The following DEPDC1B variants were observed in gnomAD, a reference collection of about 807,000 sequenced individuals.
DEPDC1B encodes DEP domain containing 1B, also known as DEP domain-containing protein 1B.
In DEPDC1B, 51 loss-of-function variants were observed where a neutral mutation model predicts 66.5. The observed-to-expected ratio is 0.77, with a 90% confidence interval of 0.61 to 0.97. The LOEUF (loss-of-function observed/expected upper bound fraction) is 0.97. Among genes scored for constraint, DEPDC1B ranks in the 50% least tolerant of loss-of-function variants. The pLI is 0.00. For synonymous variants in DEPDC1B, 226 were observed against 223.6 expected (o/e 1.01, Z -0.10); for missense variants, 552 against 637.1 (o/e 0.87, Z 1.44).
chr5:60,633,152 A>G (rs1383807046), intron 7 of DEPDC1B, among the ~76,000 whole-genome samples: 1 of 152,198 alleles, frequency 6.6e-6, no homozygotes, highest in East Asian at 1.9e-4. Context: ...ACTTGCCCAC[A>G]GTGAGTGCAG....
At chr5:60,620,850 T>C (rs555905290) in intron 7 of DEPDC1B, among the ~76,000 whole-genome samples, 143 of 152,356 alleles carry the variant, frequency 9.4e-4, no homozygotes, top group Middle Eastern at 6.8e-3. Context: ...CGTATGTTTA[T>C]TGAGGCACTA....
rs779367812 is a variant in DEPDC1B, at chr5:60,644,753, T to C, written c.701A>G (p.Asp234Gly). ...VSKQGVVILD[D>G]KSKELPHWVL... ...TATATTTATGCACTTACTTGACTTG[T>C]CATCAAGAATAACAACTCCCTGCTT... Residue 234 changes from aspartate to glycine, a missense_variant, in exon 5 of 11, where the codon GAC becomes GGC. Transcript: ENST00000265036. 1.4e-5 allele frequency: 22 copies of C among 1,590,836 alleles called. No individual in the cohort carries two copies. The African/African-American group carries it at 1.5e-4, about 11-fold the overall frequency.
At chr5:60,601,219 C>T (rs1214929842) in intron 9 of DEPDC1B, among the ~76,000 whole-genome samples, 1 of 152,188 alleles carries the variant, frequency 6.6e-6, no homozygotes, top group African/African-American at 2.4e-5. Context: ...TAATACACTG[C>T]TATAACATTT....
intron 2 of DEPDC1B, among the ~76,000 whole-genome samples, chr5:60,673,148 T>A (rs138293671): frequency 9.8e-5 from 15 of 152,304 alleles, no homozygotes; most frequent in Non-Finnish European, 1.8e-4. Flanking sequence ...CTTCCTTCCC[T>A]GACACACACC....
intron 2 of DEPDC1B, 31 bp downstream of exon 2, chr5:60,686,918 ATCTCCCCAATTCC>A: frequency 2.5e-6 from 4 of 1,604,092 alleles, no homozygotes; most frequent in Non-Finnish European, 3.4e-6. Context: ...AGATTCACTC[ATCTCCCCAATTCC>A]TCACCTTCCA....
intron 10 of DEPDC1B, among the ~76,000 whole-genome samples, chr5:60,598,439 T>G (rs144318985): frequency 4.1e-4 from 62 of 152,346 alleles, no homozygotes; most frequent in Non-Finnish European, 7.9e-4. Flanking sequence ...GCTCTGTGTG[T>G]AATCCCACAT....
chr5:60,624,861 A>G (rs896685311), intron 7 of DEPDC1B, among the ~76,000 whole-genome samples: 6 of 152,118 alleles, frequency 3.9e-5, no homozygotes, highest in African/African-American at 1.4e-4. Context: ...TGTCAACTAC[A>G]TTAGGTATTT....
chr5:60,614,803 C>T (rs1049626515), intron 7 of DEPDC1B, among the ~76,000 whole-genome samples: 4 of 152,060 alleles, frequency 2.6e-5, no homozygotes, highest in Non-Finnish European at 4.4e-5. Context: ...CCAGCCTGGC[C>T]AACATGGCAA....
rs192620449 is a variant in DEPDC1B, at chr5:60,615,515, G to A, written c.899-9659C>T. Among the ~76,000 whole-genome samples, 432 of 152,332 alleles carry A rather than the reference G, an allele frequency of 2.8e-3. 2 individuals carry two copies. Among genetic ancestry groups the A allele is most frequent in the Non-Finnish European group, 4.7e-3 (320 of 68,022 alleles). On this transcript the variant is annotated intron_variant, in intron 7 of 10. Coordinates refer to ENST00000265036, the MANE Select transcript of DEPDC1B (RefSeq NM_018369.3). Reference sequence around the variant, plus strand: ...GGAGATTATATCCCGTGCCTGGCTCGGAGGGTCCTACGCCCACGGAGCCTT... The same window carrying A: ...GGAGATTATATCCCGTGCCTGGCTCAGAGGGTCCTACGCCCACGGAGCCTT...
chr5:60,675,804 A>T (rs1324660253), intron 2 of DEPDC1B, among the ~76,000 whole-genome samples: 1 of 151,750 alleles, frequency 6.6e-6, no homozygotes, highest in African/African-American at 2.4e-5. Context: ...CTGCCTTACA[A>T]TCTATTCTGT....
At chr5:60,660,155 GAGAGAGAGAGAA>G (rs1269162995) in intron 2 of DEPDC1B, among the ~76,000 whole-genome samples, 1 of 151,714 alleles carries the variant, frequency 6.6e-6, no homozygotes, top group Non-Finnish European at 1.5e-5. Context: ...GAGAGGAGGA[GAGAGAGAGAGAA>G]AGAGAGAGAG....
intron 7 of DEPDC1B, among the ~76,000 whole-genome samples, chr5:60,631,314 C>T (rs576325765): frequency 6.6e-6 from 1 of 152,346 alleles, no homozygotes; most frequent in Non-Finnish European, 1.5e-5. Flanking sequence ...AGCCCCTGGA[C>T]ATCATCTATG....
At chr5:60,688,764 T>A (rs1179321795) in intron 1 of DEPDC1B, among the ~76,000 whole-genome samples, 1 of 152,030 alleles carries the variant, frequency 6.6e-6, no homozygotes, top group Non-Finnish European at 1.5e-5. Flanking sequence ...TAAATAAAAA[T>A]ATGGCCCTAG....
intron 9 of DEPDC1B, among the ~76,000 whole-genome samples, chr5:60,602,651 C>T (rs1752223552): frequency 6.6e-6 from 1 of 152,110 alleles, no homozygotes. Context: ...TATATAACCA[C>T]CATGACAACA....
intron 1 of DEPDC1B, among the ~76,000 whole-genome samples, chr5:60,689,388 CA>C (rs1561394720): frequency 6.6e-6 from 1 of 152,130 alleles, no homozygotes; most frequent in Admixed American, 6.5e-5. Context: ...TAATATGTCC[CA>C]AACTTGTGTC....
intron 7 of DEPDC1B, among the ~76,000 whole-genome samples, chr5:60,633,719 T>C (rs1752976221): frequency 6.6e-6 from 1 of 152,240 alleles, no homozygotes; most frequent in African/African-American, 2.4e-5. Context: ...AAAGTGTTCT[T>C]GGAATTCATT....
At chr5:60,661,927 T>C (rs2111946261) in intron 2 of DEPDC1B, among the ~76,000 whole-genome samples, 1 of 152,270 alleles carries the variant, frequency 6.6e-6, no homozygotes, top group Admixed American at 6.5e-5. Context: ...GCCTATAAAT[T>C]ATTCAATGAT....
chr5:60,659,691 T>C lies in DEPDC1B; in HGVS notation c.315-12158A>G, dbSNP rs549651480. The stretch of plus-strand genomic sequence containing the variant: ...TTCCTTCTGACCCATACCTCCTGGG[T>C]CCCAACCATGACTTTCTTGAAAGTG... On this transcript the variant is annotated intron_variant, in intron 2 of 10. Coordinates refer to ENST00000265036, the MANE Select transcript of DEPDC1B (RefSeq NM_018369.3). Among the ~76,000 whole-genome samples, 65 of 152,264 alleles carry C rather than the reference T, an allele frequency of 4.3e-4. 1 individual carries two copies. The highest frequency in any genetic ancestry group is 1.5e-3 in the African/African-American group (63 of 41,564).
intron 2 of DEPDC1B, among the ~76,000 whole-genome samples, chr5:60,651,492 C>T (rs1753449716): frequency 6.7e-6 from 1 of 149,090 alleles, no homozygotes; most frequent in South Asian, 2.1e-4. Flanking sequence ...TGCACCACTG[C>T]ACCACTTCAG....
Sources: allele counts gnomAD v4.1 joint callset (sites outside exome capture counted in the v4.1 genomes callset), GRCh38; gene constraint gnomAD v4.1.1; transcripts MANE v1.5; gene names NCBI Gene and HGNC (gene_info 2026-07-23, HGNC 2026-07-21).